The following RNF149 variants were observed in gnomAD, a reference collection of about 807,000 sequenced individuals.
RNF149 encodes the protein ring finger protein 149, also known as E3 ubiquitin-protein ligase RNF149.
RNF149 carries 21 observed loss-of-function variants against 39.0 expected under a neutral mutation model. That is an observed-to-expected ratio of 0.54 (90% confidence interval 0.38 to 0.77). The LOEUF is 0.77. RNF149 is among the 30% of genes least tolerant of loss of function. The pLI, the probability that RNF149 is intolerant of heterozygous loss-of-function variation, is 0.00. For missense variants in RNF149, 493 were observed against 534.9 expected (o/e 0.92, Z 0.77); for synonymous variants, 209 against 213.6 (o/e 0.98, Z 0.19).
At chr2:101,294,383 C>T (rs1248170814) in intron 2 of RNF149, 2 of 275,778 alleles carry the variant, frequency 7.3e-6, no homozygotes, top group East Asian at 1.9e-4. Flanking sequence ...AAGAAGCAAC[C>T]ACTTCTTATG....
At chr2:101,280,764 G>C (rs1157076535) in intron 6 of RNF149, among the ~76,000 whole-genome samples, 1 of 152,080 alleles carries the variant, frequency 6.6e-6, no homozygotes, top group African/African-American at 2.4e-5. Flanking sequence ...GATAAAATAA[G>C]CAGTTCATCA....
intron 3 of RNF149, among the ~76,000 whole-genome samples, chr2:101,291,228 G>A (rs1329054310): frequency 1.3e-5 from 2 of 151,924 alleles, no homozygotes; most frequent in African/African-American, 4.8e-5. Context: ...TTGGCTCACT[G>A]CAACCTCCAC....
chr2:101,296,284 T>C (rs1683230509), intron 1 of RNF149, among the ~76,000 whole-genome samples: 1 of 152,092 alleles, frequency 6.6e-6, no homozygotes. Context: ...AGAGAAAAAT[T>C]AAGAGACATA....
Position 101,295,102 on chromosome 2 carries a change from TG to T in RNF149, c.539del (p.Pro180GlnfsTer2). On this transcript the variant is annotated frameshift_variant, in exon 2 of 7. Coordinates refer to ENST00000295317, the MANE Select transcript of RNF149 (RefSeq NM_173647.4). LOFTEE classifies it high-confidence loss of function. ...TGCCAACCCCTATGGTCATCGTTAC[TG>T]GAATTCCTTTTTGCACCAGCTCCAA... ...EILELVQKGI[P>X]VTMTIGVGTR... 2 of 1,614,218 alleles carry T rather than the reference TG, an allele frequency of 1.2e-6. No individual in the cohort carries two copies. Among genetic ancestry groups the T allele is most frequent in the Non-Finnish European group, 1.7e-6 (2 of 1,180,024 alleles).
downstream of RNF149, among the ~76,000 whole-genome samples, chr2:101,272,084 C>T (rs1236834556): frequency 6.6e-6 from 1 of 152,174 alleles, no homozygotes; most frequent in Non-Finnish European, 1.5e-5. Flanking sequence ...TTTCAGCACC[C>T]TCTGTCTACT....
chr2:101,279,546 GCACT>G (rs1451257904), intron 6 of RNF149, among the ~76,000 whole-genome samples: 1 of 152,302 alleles, frequency 6.6e-6, no homozygotes, highest in South Asian at 2.1e-4. Context: ...ACACTGGTAT[GCACT>G]CTGGCTCTAT....
At chr2:101,294,573 C>G (rs148821418) in intron 2 of RNF149, 1 of 214,788 alleles carries the variant, frequency 4.7e-6, no homozygotes, top group Admixed American at 5.3e-5. Flanking sequence ...GGCTCTCTGA[C>G]GGCCCTTCTC....
chr2:101,294,329 C>T (rs1683138164), intron 2 of RNF149: 1 of 348,902 alleles, frequency 2.9e-6, no homozygotes, highest in African/African-American at 2.2e-5. Flanking sequence ...CCATATGTAA[C>T]TTTAAGAGGT....
Position 101,276,281 on chromosome 2 carries a change from A to AT in RNF149, c.*956dup, listed in dbSNP as rs1388165689. On this transcript the variant is annotated 3_prime_UTR_variant, in exon 7 of 7. Coordinates refer to ENST00000295317, the MANE Select transcript of RNF149 (RefSeq NM_173647.4). ...ACTTAGCAGTCTCCAAAAGCTTTGC[A>AT]TTAGCCTGCTCCTTTGACCCAAAAG... 1 of 985,430 alleles carries AT rather than the reference A, an allele frequency of 1.0e-6. No individual in the cohort carries two copies. Among genetic ancestry groups the AT allele is most frequent in the African/African-American group, 1.7e-5 (1 of 57,248 alleles). 61.0% of individuals were successfully genotyped at this position (985,430 alleles called of 1,614,324 possible).
At chr2:101,271,637 A>G (rs1356378911), downstream of RNF149, 1 of 151,796 alleles carries the variant, frequency 6.6e-6, no homozygotes, top group East Asian at 1.9e-4. Flanking sequence ...CAATAACTGC[A>G]ATAAACTTTT....
At chr2:101,272,838 T>A (rs1315950723), downstream of RNF149, 1 of 751,772 alleles carries the variant, frequency 1.3e-6, no homozygotes. Flanking sequence ...ATGGGGACAA[T>A]CACCTATTCC....
chr2:101,291,977 A>G (rs944811117), intron 3 of RNF149, among the ~76,000 whole-genome samples: 1 of 152,158 alleles, frequency 6.6e-6, no homozygotes, highest in Non-Finnish European at 1.5e-5. Context: ...AATGTACCTA[A>G]CCTACTGAAC....
At chr2:101,306,962 A>C (rs1683685828) in intron 1 of RNF149, among the ~76,000 whole-genome samples, 1 of 152,214 alleles carries the variant, frequency 6.6e-6, no homozygotes, top group Non-Finnish European at 1.5e-5. Flanking sequence ...AACTAACCAC[A>C]TTAAGCTGAG....
chr2:101,307,922 C>T (rs1372594151), intron 1 of RNF149: 12 of 985,356 alleles, frequency 1.2e-5, no homozygotes, highest in Non-Finnish European at 1.3e-5. Context: ...GCGAAGATCA[C>T]ATCTTGTCCG....
At chr2:101,280,176 AAATAAT>A (rs535984877) in intron 6 of RNF149, among the ~76,000 whole-genome samples, 5 of 148,288 alleles carry the variant, frequency 3.4e-5, no homozygotes, top group South Asian at 4.3e-4. Context: ...ACTCCATCTC[AAATAAT>A]AATAATAATA....
chr2:101,306,536 G>A (rs1201135148), intron 1 of RNF149, among the ~76,000 whole-genome samples: 1 of 152,120 alleles, frequency 6.6e-6, no homozygotes, highest in Non-Finnish European at 1.5e-5. Flanking sequence ...TTTCTGCTGC[G>A]ACTGAGGAAC....
In RNF149 at chr2:101,308,324, C is replaced by T. The variant is rs1683764044; in HGVS notation, c.265G>A (p.Gly89Ser). Residue 89 changes from glycine (G) to serine (S), a missense_variant, in exon 1 of 7, where the codon GGC (glycine) becomes AGC (serine). Physicochemically the swap from Gly to Ser is moderately conservative, Grantham distance 56. Coordinates refer to ENST00000295317, the MANE Select transcript of RNF149 (RefSeq NM_173647.4). Reference sequence around the variant, plus strand: ...AAGAAGCGCGTGTCGGGCGCGCAGCCCTCGAGGTCTCCGCCGGGCGCCCAC... The same window carrying T: ...AAGAAGCGCGTGTCGGGCGCGCAGCTCTCGAGGTCTCCGCCGGGCGCCCAC... ...VPWAPGGDLEGCAPDTRFFVP... is the reference protein window; with the variant it reads ...VPWAPGGDLESCAPDTRFFVP... The T allele has an allele frequency of 1.3e-6, 2 of 1,593,394 alleles. No homozygotes were observed. The highest frequency in any genetic ancestry group is 2.2e-5 in the South Asian group (2 of 89,630).
intron 1 of RNF149, among the ~76,000 whole-genome samples, chr2:101,295,882 G>A (rs1227885868): frequency 6.6e-6 from 1 of 152,060 alleles, no homozygotes; most frequent in African/African-American, 2.4e-5. Context: ...GCCAGGTATG[G>A]TAGTTCACAC....
intron 3 of RNF149, among the ~76,000 whole-genome samples, chr2:101,291,765 T>C (rs1171193188): frequency 6.6e-6 from 1 of 152,140 alleles, no homozygotes; most frequent in African/African-American, 2.4e-5. Context: ...TGTGAATGAA[T>C]CTACAAGAAA....
Sources: allele counts gnomAD v4.1 joint callset (sites outside exome capture counted in the v4.1 genomes callset), GRCh38; gene constraint gnomAD v4.1.1; transcripts MANE v1.5; gene names NCBI Gene and HGNC (gene_info 2026-07-23, HGNC 2026-07-21).